The following TTLL5 variants were observed in gnomAD, a reference collection of about 807,000 sequenced individuals.
TTLL5 encodes the protein tubulin tyrosine ligase like 5.
In TTLL5, 132 loss-of-function variants were observed where a neutral mutation model predicts 168.4. The ratio of observed to expected loss-of-function variants is 0.78; its 90% CI spans 0.68 to 0.91. The LOEUF is 0.91. TTLL5 is among the 40% of genes least tolerant of loss of function. TTLL5 has a pLI of 0.00. For synonymous variants in TTLL5, 546 were observed against 558.6 expected, an observed-to-expected ratio of 0.98 and a Z score of 0.32; for missense variants, 1,545 against 1,581.5, an observed-to-expected ratio of 0.98 and a Z score of 0.39.
intron 27 of TTLL5, among the ~76,000 whole-genome samples, chr14:75,811,170 T>A (rs900938620): frequency 0.015 from 1,981 of 135,808 alleles, 69 homozygotes; most frequent in African/African-American, 0.046. Context: ...TGTGTGTGTG[T>A]GTGTGTGTGT....
intron 18 of TTLL5, 107 bp from the exon 19 acceptor site, chr14:75,764,508 G>A: frequency 7.5e-7 from 1 of 1,340,048 alleles, no homozygotes; most frequent in African/African-American, 1.5e-5. Context: ...ATTCACTTGA[G>A]TTACCATGTC....
chr14:75,925,917 G>T (rs564187103), intron 31 of TTLL5, among the ~76,000 whole-genome samples: 1 of 152,042 alleles, frequency 6.6e-6, no homozygotes, highest in Admixed American at 6.5e-5. Context: ...AGGCGTGGCG[G>T]CGCGCACCTG....
At chr14:75,933,948 C>T (rs561393030) in intron 31 of TTLL5, among the ~76,000 whole-genome samples, 1 of 152,332 alleles carries the variant, frequency 6.6e-6, no homozygotes, top group African/African-American at 2.4e-5. Flanking sequence ...GGAACCAAAC[C>T]AGCCAGCACC....
intron 18 of TTLL5, among the ~76,000 whole-genome samples, chr14:75,762,279 C>T (rs928085282): frequency 6.6e-6 from 1 of 152,086 alleles, no homozygotes; most frequent in Non-Finnish European, 1.5e-5. Context: ...CCTGTAGTCT[C>T]AGCTACCTGG....
intron 5 of TTLL5, among the ~76,000 whole-genome samples, chr14:75,687,479 G>T (rs965951291): frequency 4.6e-5 from 7 of 151,956 alleles, no homozygotes; most frequent in Non-Finnish European, 7.4e-5. Flanking sequence ...TCATCGTGTT[G>T]GTCAGGCTGG....
At chr14:75,930,282 G>T (rs1232648859) in intron 31 of TTLL5, among the ~76,000 whole-genome samples, 1 of 152,110 alleles carries the variant, frequency 6.6e-6, no homozygotes, top group Admixed American at 6.5e-5. Context: ...GTAGAGTAAG[G>T]CAAAAGAATG....
chr14:75,726,133 G>A (rs919004256), intron 12 of TTLL5, among the ~76,000 whole-genome samples: 1 of 152,046 alleles, frequency 6.6e-6, no homozygotes, highest in Non-Finnish European at 1.5e-5. Flanking sequence ...CAAAATTAGT[G>A]GTGTGACATG....
intron 23 of TTLL5, among the ~76,000 whole-genome samples, chr14:75,778,150 ATGAAT>A (rs1891829582): frequency 6.6e-6 from 1 of 152,228 alleles, no homozygotes; most frequent in African/African-American, 2.4e-5. Flanking sequence ...GACACTAAAA[ATGAAT>A]TATAACATAT....
In TTLL5 at chr14:75,661,884, A is replaced by T. The variant is rs1221567880; in HGVS notation, c.-96+497A>T. ...TCGGGGTCTGTTTTTTTTTTGTCTT[A>T]TTTACAGTCTCATCGTATTTATGAA... On this transcript the variant is annotated intron_variant, in intron 1 of 31. Coordinates refer to ENST00000298832, the MANE Select transcript of TTLL5 (RefSeq NM_015072.5). 3.0e-4 allele frequency among the ~76,000 whole-genome samples: 46 copies of T among 151,128 alleles called. 1 individual carries two copies. Among genetic ancestry groups the T allele is most frequent in the Middle Eastern group, 3.4e-3 (1 of 294 alleles).
chr14:75,844,386 C>A (rs1469991625), intron 28 of TTLL5, among the ~76,000 whole-genome samples: 1 of 152,140 alleles, frequency 6.6e-6, no homozygotes, highest in Non-Finnish European at 1.5e-5. Context: ...TTGTGTGGAT[C>A]TTTGGATGAC....
At chr14:75,804,225 T>C (rs1343398032) in intron 27 of TTLL5, among the ~76,000 whole-genome samples, 2 of 152,252 alleles carry the variant, frequency 1.3e-5, no homozygotes, top group Non-Finnish European at 2.9e-5. Context: ...TCTTGCTCCT[T>C]ACCCTGAGAC....
intron 28 of TTLL5, among the ~76,000 whole-genome samples, chr14:75,841,475 A>T (rs530678863): frequency 3.3e-5 from 5 of 152,230 alleles, no homozygotes; most frequent in African/African-American, 1.2e-4. Context: ...TGGGCCTCTT[A>T]GAGTCATTAT....
chr14:75,690,228 A>C lies in TTLL5; in HGVS notation c.408A>C (p.Lys136Asn), dbSNP rs142361257. 6.2e-7 allele frequency: 1 copy of C among 1,613,324 alleles called. No homozygotes were observed. The highest frequency in any genetic ancestry group is 1.3e-5 in the African/African-American group (1 of 74,892). The stretch of plus-strand genomic sequence containing the variant: ...TTACCCGGAAGGACCGACTGTACAA[A>C]AACATTATTCGAATGCAGCATACAC... Reference protein sequence around the residue: ...YELTRKDRLYKNIIRMQHTHG... With the variant: ...YELTRKDRLYNNIIRMQHTHG... Residue 136 changes from lysine (K) to asparagine (N), a missense_variant, in exon 6 of 32, where the codon AAA becomes AAC. Lys to Asn is a moderately conservative substitution (Grantham distance 94). Transcript: ENST00000298832.
intron 27 of TTLL5, among the ~76,000 whole-genome samples, chr14:75,801,298 G>A (rs1321767556): frequency 2.0e-5 from 3 of 152,074 alleles, no homozygotes; most frequent in Non-Finnish European, 4.4e-5. Context: ...AGGTCACCAG[G>A]GAAGTAGGGG....
Position 75,894,306 on chromosome 14 carries a change from C to T in TTLL5, c.3741-7836C>T, listed in dbSNP as rs545199984. 3.7e-4 allele frequency among the ~76,000 whole-genome samples: 56 copies of T among 152,304 alleles called. No individual in the cohort carries two copies. In the East Asian group the frequency reaches 0.01, roughly 28 times the overall value. On this transcript the variant is annotated intron_variant, in intron 30 of 31. Coordinates refer to ENST00000298832, the MANE Select transcript of TTLL5 (RefSeq NM_015072.5). ...GTGGCTCATGCCTGTAATCCTAGCA[C>T]TTTGGGAGGCCAAGACAGGTGGATC...
At chr14:75,883,019 C>T in intron 30 of TTLL5, 117 bp downstream of exon 30, 1 of 1,145,836 alleles carries the variant, frequency 8.7e-7, no homozygotes, top group Non-Finnish European at 1.2e-6. Context: ...AGAACACCTG[C>T]TGGGAAATAA....
rs1444935200 is a variant in TTLL5, at chr14:75,752,927, A to G, written c.1522A>G (p.Met508Val). The G allele has an allele frequency of 1.9e-6, 3 of 1,613,632 alleles. No homozygotes were observed. Among genetic ancestry groups the G allele is most frequent in the Non-Finnish European group, 2.5e-6 (3 of 1,179,762 alleles). ...CGAGCATAAGACCTCAATGAACTAT[A>G]TGCTGGCAACACGCCTCTTCCAGGA... ...YLEHKTSMNY[M>V]LATRLFQDRM... Residue 508 changes from methionine to valine, a missense_variant, in exon 18 of 32, where the codon ATG (methionine) becomes GTG (valine). Coordinates refer to ENST00000298832, the MANE Select transcript of TTLL5 (RefSeq NM_015072.5).
intron 29 of TTLL5, among the ~76,000 whole-genome samples, chr14:75,871,951 T>G (rs2031069978): frequency 6.6e-6 from 1 of 152,252 alleles, no homozygotes; most frequent in South Asian, 2.1e-4. Context: ...CTTTGACTAA[T>G]TATTTCATTT....
At chr14:75,721,650 CTATAAAATGGCAG>C (rs1308770211) in intron 12 of TTLL5, among the ~76,000 whole-genome samples, 1 of 152,160 alleles carries the variant, frequency 6.6e-6, no homozygotes, top group African/African-American at 2.4e-5. Context: ...GTTTCCTCAA[CTATAAAATGGCAG>C]TAATGGTGGT....
Sources: gnomAD v4.1 joint callset for allele counts (sites outside exome capture counted in the v4.1 genomes callset) on GRCh38, gnomAD v4.1.1 for gene constraint, MANE v1.5 for transcripts, NCBI Gene and HGNC (gene_info 2026-07-23, HGNC 2026-07-21) for gene names.